Variants in RBMS3 observed in about 807,000 individuals in gnomAD.
RBMS3 encodes the protein RNA-binding motif, single-stranded-interacting protein 3.
Under a neutral mutation model 66.8 loss-of-function variants are expected in RBMS3, and 27 were observed. That is an observed-to-expected ratio of 0.40 (90% CI 0.30 to 0.56). The LOEUF (loss-of-function observed/expected upper bound fraction) is 0.56. Ranked by LOEUF, RBMS3 falls within the 20% of genes least tolerant of loss-of-function variation. The probability of loss-of-function intolerance (pLI) is 0.40; values close to 1 mark genes in which losing one functional copy is unlikely to be tolerated. For synonymous variants in RBMS3, 188 were observed against 183.0 expected (o/e 1.03, Z -0.22); for missense variants, 513 against 549.5 (o/e 0.93, Z 0.66).
chr3:29,519,923 C>T (rs951497014), intron 3 of RBMS3, among the ~76,000 whole-genome samples: 1 of 152,036 alleles, frequency 6.6e-6, no homozygotes, highest in African/African-American at 2.4e-5. Flanking sequence ...TACAGATGCT[C>T]CAGTTAAATT....
At position 29,640,860 on chromosome 3, in the gene RBMS3, T is replaced by C. The variant is rs966097316; in HGVS notation, c.399+53655T>C. ...TCTACCCCTTACTCCTGTGTGACCC[T>C]GGGTAAGTTATTTACTGTCTCTACA... On this transcript the variant is annotated intron_variant, in intron 4 of 14. Transcript: ENST00000383767. Among the ~76,000 whole-genome samples the C allele has an allele frequency of 2.6e-5, 4 of 152,004 alleles. No individual in the cohort carries two copies. In the East Asian group the frequency reaches 7.7e-4, roughly 29 times the overall value.
chr3:29,945,123 G>C (rs1695214209), intron 12 of RBMS3, among the ~76,000 whole-genome samples: 1 of 151,520 alleles, frequency 6.6e-6, no homozygotes, highest in African/African-American at 2.4e-5. Flanking sequence ...TTGATTCTTT[G>C]ACATGTCAGA....
rs532816069 is a variant in RBMS3 at position 29,492,005 on chromosome 3, A to G, written c.307+3506A>G. On this transcript the variant is annotated intron_variant, in intron 3 of 14. Transcript: ENST00000383767. ...AAGGCTCAGTCTCGAAAAAAAAAAA[A>G]GAAATTGGACACCATTTAGACCGTT... Among the ~76,000 whole-genome samples, 46 of 147,606 alleles carry G rather than the reference A, an allele frequency of 3.1e-4. No homozygotes were observed. In the East Asian group the frequency reaches 8.1e-3, roughly 26 times the overall value.
At chr3:29,905,431 T>G (rs1393066486) in intron 10 of RBMS3, among the ~76,000 whole-genome samples, 10 of 152,064 alleles carry the variant, frequency 6.6e-5, no homozygotes, top group Non-Finnish European at 1.2e-4. Flanking sequence ...CAAAATTTCA[T>G]TTTTTTGATT....
At chr3:29,547,583 A>T (rs2046008680) in intron 3 of RBMS3, among the ~76,000 whole-genome samples, 1 of 152,016 alleles carries the variant, frequency 6.6e-6, no homozygotes, top group Non-Finnish European at 1.5e-5. Flanking sequence ...TAATTTTTTC[A>T]TATTGCTGAG....
intron 10 of RBMS3, among the ~76,000 whole-genome samples, chr3:29,918,916 T>C (rs1181161904): frequency 6.6e-6 from 1 of 152,106 alleles, no homozygotes; most frequent in Non-Finnish European, 1.5e-5. Flanking sequence ...AAAGTAATAA[T>C]ATTTTGTCAT....
At chr3:29,416,912 A>AAGTT (rs2040499775) in intron 1 of RBMS3, among the ~76,000 whole-genome samples, 1 of 152,158 alleles carries the variant, frequency 6.6e-6, no homozygotes, top group Admixed American at 6.5e-5. Context: ...ACCTTATAAC[A>AAGTT]AGTTATAAGC....
At chr3:29,307,396 A>C (rs928759317) in intron 1 of RBMS3, among the ~76,000 whole-genome samples, 8 of 151,932 alleles carry the variant, frequency 5.3e-5, no homozygotes, top group African/African-American at 1.9e-4. Flanking sequence ...ATGAGTAAGC[A>C]TGTGGTTCTC....
At chr3:29,623,508 C>T (rs1576382108) in intron 4 of RBMS3, among the ~76,000 whole-genome samples, 1 of 149,242 alleles carries the variant, frequency 6.7e-6, no homozygotes, top group African/African-American at 2.5e-5. Flanking sequence ...AGGAGGATGG[C>T]GTGAACCAGG....
chr3:29,784,182 C>T (rs114728632), intron 6 of RBMS3, among the ~76,000 whole-genome samples: 12,939 of 150,460 alleles, frequency 0.086, 600 homozygotes, highest in East Asian at 0.15. Context: ...TAAACTATAC[C>T]CTACAACACA....
At chr3:29,401,804 C>T (rs1047348173) in intron 1 of RBMS3, among the ~76,000 whole-genome samples, 2 of 151,932 alleles carry the variant, frequency 1.3e-5, no homozygotes, top group Admixed American at 6.6e-5. Context: ...AACTTTAGTG[C>T]TTAGGTTTGT....
intron 4 of RBMS3, among the ~76,000 whole-genome samples, chr3:29,694,014 C>G (rs2052155550): frequency 6.6e-6 from 1 of 152,164 alleles, no homozygotes; most frequent in Admixed American, 6.5e-5. Flanking sequence ...GTGGTTTCTT[C>G]AAAATACCAC....
intron 4 of RBMS3, among the ~76,000 whole-genome samples, chr3:29,630,208 T>C (rs535218303): frequency 6.6e-6 from 1 of 152,142 alleles, no homozygotes; most frequent in African/African-American, 2.4e-5. Flanking sequence ...TCACAAAATG[T>C]AGAGTAGGAC....
intron 7 of RBMS3, among the ~76,000 whole-genome samples, chr3:29,875,852 T>C (rs919028176): frequency 6.6e-6 from 1 of 152,198 alleles, no homozygotes; most frequent in African/African-American, 2.4e-5. Context: ...TGATGGCATC[T>C]TTCTATCTTG....
intron 6 of RBMS3, among the ~76,000 whole-genome samples, chr3:29,835,736 T>G (rs906056894): frequency 2.0e-5 from 3 of 151,526 alleles, no homozygotes; most frequent in African/African-American, 7.3e-5. Context: ...CATAACAAAC[T>G]AAGCCCAAAT....
intron 3 of RBMS3, among the ~76,000 whole-genome samples, chr3:29,538,552 T>C (rs1450992084): frequency 6.6e-6 from 1 of 152,214 alleles, no homozygotes; most frequent in African/African-American, 2.4e-5. Context: ...CTTAATTTGT[T>C]TAAGCAAGAG....
Position 29,585,707 on chromosome 3 carries a change from T to C in RBMS3, c.308-1407T>C, listed in dbSNP as rs535173744. Among the ~76,000 whole-genome samples, 3 of 152,226 alleles carry C rather than the reference T, an allele frequency of 2.0e-5. No homozygotes were observed. The South Asian group carries it at 6.2e-4, about 32-fold the overall frequency. ...GACTATTACTTCCACTTTTTTTTTC[T>C]ATCTTACTCATCTTACTGGGTAGTA... On this transcript the variant is annotated intron_variant, in intron 3 of 14. Transcript: ENST00000383767.
intron 1 of RBMS3, among the ~76,000 whole-genome samples, chr3:29,416,020 A>G (rs2040465055): frequency 6.6e-6 from 1 of 152,190 alleles, no homozygotes; most frequent in South Asian, 2.1e-4. Flanking sequence ...AACGCATAGG[A>G]AAAGCATGGC....
chr3:29,742,037 A>G (rs1321542748), intron 5 of RBMS3, among the ~76,000 whole-genome samples: 1 of 152,204 alleles, frequency 6.6e-6, no homozygotes, highest in Non-Finnish European at 1.5e-5. Context: ...CGGGTACACA[A>G]TTCAGTTCAT....
Sources: gnomAD v4.1 joint callset for allele counts (sites outside exome capture counted in the v4.1 genomes callset) on GRCh38, gnomAD v4.1.1 for gene constraint, MANE v1.5 for transcripts, NCBI Gene and HGNC (gene_info 2026-07-23, HGNC 2026-07-21) for gene names.